Variants in ASTN1 observed in about 807,000 individuals in gnomAD.
ASTN1 encodes the protein astrotactin-1.
Under a neutral mutation model 140.7 loss-of-function variants are expected in ASTN1, and 41 were observed. The ratio of observed to expected loss-of-function variants is 0.29; its 90% CI spans 0.23 to 0.38. The LOEUF is 0.38. Ranked by LOEUF, ASTN1 falls within the 10% of genes least tolerant of loss-of-function variation. The pLI is 1.00. For missense variants in ASTN1, 1,479 were observed against 1,678.8 expected (o/e 0.88, Z 2.08); for synonymous variants, 640 against 652.2 (o/e 0.98, Z 0.29).
At chr1:177,053,246 T>C (rs576581769) in intron 2 of ASTN1, among the ~76,000 whole-genome samples, 1 of 152,346 alleles carries the variant, frequency 6.6e-6, no homozygotes, top group South Asian at 2.1e-4. Context: ...TCAAGTGAAC[T>C]AGATTGCTGA....
chr1:177,059,085 G>A (rs1216198493), intron 2 of ASTN1, among the ~76,000 whole-genome samples: 1 of 151,906 alleles, frequency 6.6e-6, no homozygotes, highest in Non-Finnish European at 1.5e-5. Flanking sequence ...TTTATTTTTG[G>A]AAATCTCTAT....
chr1:177,071,435 C>T (rs1031014007), intron 1 of ASTN1, among the ~76,000 whole-genome samples: 1 of 152,216 alleles, frequency 6.6e-6, no homozygotes, highest in Non-Finnish European at 1.5e-5. Context: ...CAGTAGTAAA[C>T]TGAGTCCTTC....
chr1:177,101,765 T>A (rs1331135386), intron 1 of ASTN1, among the ~76,000 whole-genome samples: 1 of 152,114 alleles, frequency 6.6e-6, no homozygotes, highest in African/African-American at 2.4e-5. Flanking sequence ...GAGTGACAAA[T>A]TAGTAGATGT....
chr1:176,873,488 G>A (rs542814295), intron 21 of ASTN1, among the ~76,000 whole-genome samples: 1 of 152,270 alleles, frequency 6.6e-6, no homozygotes, highest in South Asian at 2.1e-4. Context: ...CTGGCTTTTA[G>A]GTAGATAATG....
At chr1:177,106,997 G>A (rs1680575572) in intron 1 of ASTN1, among the ~76,000 whole-genome samples, 1 of 152,176 alleles carries the variant, frequency 6.6e-6, no homozygotes, top group Non-Finnish European at 1.5e-5. Flanking sequence ...GGCAGGCCAT[G>A]CAGCAGTGGG....
rs150871850 is a variant in ASTN1, at chr1:176,956,441, G to C, written c.1887+1237C>G. On this transcript the variant is annotated intron_variant, in intron 11 of 22. Coordinates refer to ENST00000361833, the MANE Select transcript of ASTN1 (RefSeq NM_004319.3). Reference sequence around the variant, plus strand: ...AGAACAGGTGCTCAGTGATGGGGAAGAGGGGAGAGGAAAGATGGCATCAGC... The same window carrying C: ...AGAACAGGTGCTCAGTGATGGGGAACAGGGGAGAGGAAAGATGGCATCAGC... 1.3e-3 allele frequency among the ~76,000 whole-genome samples: 194 copies of C among 152,276 alleles called. No individual in the cohort carries two copies. The Middle Eastern group carries it at 0.014, about 11-fold the overall frequency.
chr1:176,868,966 G>A lies in ASTN1; in HGVS notation c.3525C>T (p.Thr1175=), dbSNP rs756914633. 2.3e-5 allele frequency: 37 copies of A among 1,611,944 alleles called. No homozygotes were observed. Among genetic ancestry groups the A allele is most frequent in the Non-Finnish European group, 2.8e-5 (33 of 1,178,748 alleles). Residue 1175 remains threonine (T), a synonymous_variant, in exon 22 of 23, where the codon ACC becomes ACT. Transcript: ENST00000361833. The part of the protein sequence containing the change: ...NGYTSGKEQQ[T]AYNTLLDLGS... ...CCAGATCCAGGAGGGTGTTGTAGGC[G>A]GTCTGCTGCTCCTTCCCACTAGTGT...
intron 1 of ASTN1, among the ~76,000 whole-genome samples, chr1:177,120,246 T>A (rs1681315287): frequency 6.6e-6 from 1 of 152,204 alleles, no homozygotes; most frequent in Admixed American, 6.5e-5. Flanking sequence ...CACACTCACC[T>A]TAAAACATCC....
At position 177,047,663 on chromosome 1, in the gene ASTN1, T is replaced by C. The variant is rs981728124; in HGVS notation, c.471+13415A>G. 1.3e-4 allele frequency among the ~76,000 whole-genome samples: 20 copies of C among 152,142 alleles called. No individual in the cohort carries two copies. In the East Asian group the frequency reaches 3.9e-3, roughly 29 times the overall value. On this transcript the variant is annotated intron_variant, in intron 2 of 22. Transcript: ENST00000361833. ...GAGAGGTGAGGGGGGTCTGCACTCA[T>C]AGTGGTAGTAGAGAGGGAAAGAAGA... is the stretch of plus-strand genomic sequence containing the variant.
At chr1:176,989,796 G>A (rs928424277) in intron 8 of ASTN1, among the ~76,000 whole-genome samples, 1 of 152,090 alleles carries the variant, frequency 6.6e-6, no homozygotes, top group African/African-American at 2.4e-5. Flanking sequence ...ATTTCATAAT[G>A]TTGAGCTTCA....
chr1:177,130,544 G>A (rs1681893587), intron 1 of ASTN1, among the ~76,000 whole-genome samples: 1 of 152,130 alleles, frequency 6.6e-6, no homozygotes, highest in Admixed American at 6.5e-5. Context: ...CCACTTAAAA[G>A]TGTCACATTG....
intron 8 of ASTN1, among the ~76,000 whole-genome samples, chr1:177,012,577 A>G (rs1571648080): frequency 6.6e-6 from 1 of 152,250 alleles, no homozygotes; most frequent in Non-Finnish European, 1.5e-5. Flanking sequence ...CTGTCAGTCT[A>G]TAACTCACTG....
chr1:176,882,705 G>A lies in ASTN1; in HGVS notation c.3362+154C>T, dbSNP rs116474319. ...CCCCCATTCCAGTGTCTAAGTACTC[G>A]AGAACATTCTCTATAATGCCACCTG... On this transcript the variant is annotated intron_variant, in intron 20 of 22. Coordinates refer to ENST00000361833, the MANE Select transcript of ASTN1 (RefSeq NM_004319.3). 2.6e-3 allele frequency among the ~76,000 whole-genome samples: 401 copies of A among 152,164 alleles called. 1 individual carries two copies. Among genetic ancestry groups the A allele is most frequent in the Middle Eastern group, 0.024 (7 of 294 alleles).
chr1:177,053,446 T>C (rs1458913558), intron 2 of ASTN1, among the ~76,000 whole-genome samples: 2 of 152,230 alleles, frequency 1.3e-5, no homozygotes, highest in African/African-American at 2.4e-5. Context: ...ATGGAAACTC[T>C]ACTTGTCTCT....
At chr1:176,859,950 C>A (rs1028907813), downstream of ASTN1, among the ~76,000 whole-genome samples, 1 of 152,078 alleles carries the variant, frequency 6.6e-6, no homozygotes, top group Non-Finnish European at 1.5e-5. Context: ...AACTAGGATA[C>A]CACCAGTCTT....
rs535835836 is a variant in ASTN1 at position 177,152,341 on chromosome 1, C to T, written c.283+12053G>A. On this transcript the variant is annotated intron_variant, in intron 1 of 22. Coordinates refer to ENST00000361833, the MANE Select transcript of ASTN1 (RefSeq NM_004319.3). ...TTTCACCAGGTACTGCTGTGGTTTACGTGTATAGCATCACGTTCCCTCAAC... is the reference window on the plus strand; with the variant it reads ...TTTCACCAGGTACTGCTGTGGTTTATGTGTATAGCATCACGTTCCCTCAAC... Among the ~76,000 whole-genome samples, 10 of 152,054 alleles carry T rather than the reference C, an allele frequency of 6.6e-5. No individual in the cohort carries two copies. In the East Asian group the frequency reaches 1.7e-3, roughly 27 times the overall value.
Position 176,888,272 on chromosome 1 carries a change from C to CCCT in ASTN1, c.2941-69_2941-68insAGG, listed in dbSNP as rs1669122166. 3 of 1,575,190 alleles carry CCCT rather than the reference C, an allele frequency of 1.9e-6. No homozygotes were observed. In the East Asian group the frequency reaches 6.7e-5, roughly 35 times the overall value. The stretch of plus-strand genomic sequence containing the variant: ...GGGCTAGGCCATCAGAATCAAGAGG[C>CCCT]AGAGTGTCAAGGATCTGCATGGCCC... On this transcript the variant is annotated intron_variant, in intron 17 of 22. Transcript: ENST00000361833.
intron 17 of ASTN1, among the ~76,000 whole-genome samples, chr1:176,890,733 T>A (rs1285521405): frequency 6.6e-6 from 1 of 152,088 alleles, no homozygotes; most frequent in African/African-American, 2.4e-5. Flanking sequence ...TCCATAAGAG[T>A]TCCTACTCTG....
At chr1:176,930,939 GGTT>G (rs1359132219) in intron 16 of ASTN1, among the ~76,000 whole-genome samples, 1 of 152,152 alleles carries the variant, frequency 6.6e-6, no homozygotes, top group Non-Finnish European at 1.5e-5. Flanking sequence ...TGACTGAAGA[GGTT>G]GTGAAGATTA....
Sources: allele counts gnomAD v4.1 joint callset (sites outside exome capture counted in the v4.1 genomes callset), GRCh38; gene constraint gnomAD v4.1.1; transcripts MANE v1.5; gene names NCBI Gene and HGNC (gene_info 2026-07-23, HGNC 2026-07-21).